Variants in COMMD7 observed in about 807,000 individuals in gnomAD.
COMMD7 encodes the protein COMM domain containing 7.
In COMMD7, 28 loss-of-function variants were observed where a neutral mutation model predicts 34.8. That is an observed-to-expected ratio of 0.80 (90% CI 0.60 to 1.10). COMMD7 has a LOEUF of 1.10. COMMD7 is among the 50% of genes least tolerant of loss of function. COMMD7 has a pLI of 0.00. For synonymous variants in COMMD7, 80 were observed against 86.4 expected, an observed-to-expected ratio of 0.93 and a Z score of 0.41; for missense variants, 211 against 241.6, an observed-to-expected ratio of 0.87 and a Z score of 0.84.
chr20:32,703,839 C>G, intron 8 of COMMD7, 184 bp downstream of exon 8: 1 of 1,543,762 alleles, frequency 6.5e-7, no homozygotes, highest in Non-Finnish European at 8.7e-7. Context: ...GGGGCTCCAA[C>G]CTGCCAGTGG....
At chr20:32,733,053 T>G (rs1044038479) in intron 1 of COMMD7, among the ~76,000 whole-genome samples, 1 of 150,906 alleles carries the variant, frequency 6.6e-6, no homozygotes, top group Non-Finnish European at 1.5e-5. Flanking sequence ...CTGGCCAACA[T>G]GGCGAAACCC....
intron 3 of COMMD7, among the ~76,000 whole-genome samples, chr20:32,723,045 A>AAATAAATAAT (rs1555806267): frequency 4.8e-3 from 194 of 40,164 alleles, no homozygotes; most frequent in Non-Finnish European, 6.9e-3. Context: ...ATAAATAAAT[A>AAATAAATAAT]AATAATAATA....
At chr20:32,703,925 G>A (rs1983900781) in intron 8 of COMMD7, 98 bp downstream of exon 8, 1 of 1,593,260 alleles carries the variant, frequency 6.3e-7, no homozygotes, top group Non-Finnish European at 8.6e-7. Flanking sequence ...GGCAATGACT[G>A]TTTTTATAGA....
At chr20:32,727,406 G>A (rs759698724) in intron 3 of COMMD7, among the ~76,000 whole-genome samples, 3 of 151,544 alleles carry the variant, frequency 2.0e-5, no homozygotes, top group Non-Finnish European at 4.4e-5. Flanking sequence ...GCGTGGTGGT[G>A]CGTGCCTGTA....
At chr20:32,733,934 T>G (rs140828451) in intron 1 of COMMD7, among the ~76,000 whole-genome samples, 1,687 of 149,764 alleles carry the variant, frequency 0.011, 30 homozygotes, top group African/African-American at 0.037. Flanking sequence ...ATCCCAATAC[T>G]TAGGGAGGCC....
At chr20:32,715,034 A>T (rs1258406761) in intron 3 of COMMD7, among the ~76,000 whole-genome samples, 2 of 148,026 alleles carry the variant, frequency 1.4e-5, no homozygotes, top group African/African-American at 5.1e-5. Context: ...AAAAATAAAT[A>T]AATAAATAAA....
intron 1 of COMMD7, among the ~76,000 whole-genome samples, chr20:32,732,605 A>G (rs1985901762): frequency 1.3e-5 from 2 of 151,924 alleles, no homozygotes; most frequent in South Asian, 4.2e-4. Context: ...CCATCTCTAC[A>G]AATCATAATA....
chr20:32,717,594 G>A (rs1166497263), intron 3 of COMMD7, among the ~76,000 whole-genome samples: 3 of 152,032 alleles, frequency 2.0e-5, no homozygotes, highest in Admixed American at 2.0e-4. Flanking sequence ...CCAAAGTGCT[G>A]GGATTACAGG....
chr20:32,741,458 G>A (rs925675119), intron 1 of COMMD7, among the ~76,000 whole-genome samples: 4 of 150,168 alleles, frequency 2.7e-5, no homozygotes, highest in Non-Finnish European at 4.4e-5. Context: ...TGGTGCAATC[G>A]CAGCTTACTG....
chr20:32,714,856 A>ACAACAACAACAACAACAAC (rs1555823789), intron 3 of COMMD7, among the ~76,000 whole-genome samples: 1 of 150,028 alleles, frequency 6.7e-6, no homozygotes, highest in Non-Finnish European at 1.5e-5. Context: ...AACAACAACA[A>ACAACAACAACAACAACAAC]AAATTAGCCA....
intron 1 of COMMD7, among the ~76,000 whole-genome samples, chr20:32,740,681 T>C (rs919822674): frequency 2.6e-5 from 4 of 151,342 alleles, no homozygotes; most frequent in Admixed American, 2.0e-4. Context: ...TTACAAAAAA[T>C]ACAAAAATTA....
At chr20:32,712,459 G>C (rs1254178157) in intron 3 of COMMD7, among the ~76,000 whole-genome samples, 5 of 150,680 alleles carry the variant, frequency 3.3e-5, no homozygotes, top group Admixed American at 2.0e-4. Flanking sequence ...AGTGAGCCAA[G>C]ATCGCGCCAC....
chr20:32,718,648 G>A (rs1984961490), intron 3 of COMMD7, among the ~76,000 whole-genome samples: 3 of 151,906 alleles, frequency 2.0e-5, no homozygotes, highest in Admixed American at 2.0e-4. Flanking sequence ...GCAGTGAGCA[G>A]AGACTGTGCC....
intron 1 of COMMD7, among the ~76,000 whole-genome samples, chr20:32,737,984 G>T (rs1375292863): frequency 6.6e-6 from 1 of 150,814 alleles, no homozygotes; most frequent in African/African-American, 2.4e-5. Flanking sequence ...GTTAGTAGCA[G>T]AATCTTTTTT....
At chr20:32,731,459 G>A (rs1009724882) in intron 1 of COMMD7, among the ~76,000 whole-genome samples, 1 of 152,176 alleles carries the variant, frequency 6.6e-6, no homozygotes. Context: ...TTGCGCCACT[G>A]CAATCCAGCC....
chr20:32,735,694 T>C (rs1407138261), intron 1 of COMMD7, among the ~76,000 whole-genome samples: 1 of 151,944 alleles, frequency 6.6e-6, no homozygotes, highest in East Asian at 1.9e-4. Flanking sequence ...TCTCACTCTT[T>C]CAGGCTGGAG....
intron 3 of COMMD7, among the ~76,000 whole-genome samples, chr20:32,714,992 G>A (rs528458201): frequency 7.0e-4 from 104 of 148,150 alleles, no homozygotes; most frequent in Non-Finnish European, 1.3e-3. Flanking sequence ...CCTGGGCAAC[G>A]GAGTGGGACT....
rs376952466 is a variant in COMMD7, at chr20:32,727,921, G to A, written c.213C>T (p.Ile71=). ...NQISLGSLRS[I]VKSLLLVPNG... ...TTGGAACCAGAAGGAGGCTTTTCAC[G>A]ATGCTTCTGAGGGAGCCAAGACTGA... Residue 71 remains isoleucine, a synonymous_variant, in exon 3 of 9, where the codon ATC becomes ATT. Coordinates refer to ENST00000278980, the MANE Select transcript of COMMD7 (RefSeq NM_053041.3). 29 of 1,613,906 alleles carry A rather than the reference G, an allele frequency of 1.8e-5. No individual in the cohort carries two copies. Among genetic ancestry groups the A allele is most frequent in the African/African-American group, 4.0e-5 (3 of 74,908 alleles).
intron 3 of COMMD7, among the ~76,000 whole-genome samples, chr20:32,717,262 T>A (rs1425378979): frequency 4.0e-5 from 6 of 151,608 alleles, no homozygotes; most frequent in Non-Finnish European, 8.8e-5. Flanking sequence ...TCAAGGTATC[T>A]TCCTGTCTCA....
Sources: gnomAD v4.1 joint callset for allele counts (sites outside exome capture counted in the v4.1 genomes callset) on GRCh38, gnomAD v4.1.1 for gene constraint, MANE v1.5 for transcripts, NCBI Gene and HGNC (gene_info 2026-07-23, HGNC 2026-07-21) for gene names.